HMGCLL1: variants seen among roughly 807,000 people sequenced by gnomAD.
HMGCLL1 encodes the protein 3-hydroxy-3-methylglutaryl-CoA lyase like 1.
A neutral mutation model predicts 39.1 loss-of-function variants in HMGCLL1; 36 were observed. The ratio of observed to expected loss-of-function variants is 0.92; its 90% CI spans 0.71 to 1.22. The LOEUF (loss-of-function observed/expected upper bound fraction) is 1.22. HMGCLL1 is among the 50% of genes most tolerant of loss of function. The pLI is 0.00. For missense variants in HMGCLL1, 451 were observed against 416.5 expected (o/e 1.08, Z -0.72); for synonymous variants, 149 against 144.0 (o/e 1.03, Z -0.25).
chr6:55,571,501 G>A (rs999435603), intron 1 of HMGCLL1, among the ~76,000 whole-genome samples: 3 of 152,074 alleles, frequency 2.0e-5, no homozygotes, highest in African/African-American at 7.2e-5. Context: ...CAGAAAGTAG[G>A]ATAAACATAG....
chr6:55,534,964 T>G (rs1026119581), intron 3 of HMGCLL1, among the ~76,000 whole-genome samples: 1 of 152,184 alleles, frequency 6.6e-6, no homozygotes, highest in Admixed American at 6.5e-5. Context: ...CAATGTGGAG[T>G]CTATGGTTCA....
At chr6:55,627,881 T>TTATA in the HMGCLL1 span, among the ~76,000 whole-genome samples, 8 of 43,480 alleles carry the variant, frequency 1.8e-4, no homozygotes, top group African/African-American at 6.9e-4. Context: ...ATAAACTCCC[T>TTATA]TATATATATA....
chr6:55,582,779 C>T (rs76450297), upstream of HMGCLL1, among the ~76,000 whole-genome samples: 14,498 of 151,976 alleles, frequency 0.095, 1,033 homozygotes, highest in East Asian at 0.3. Context: ...ATTAATATTT[C>T]TTGTATATAC....
chr6:55,448,803 G>A (rs1038582234), intron 7 of HMGCLL1, among the ~76,000 whole-genome samples: 2 of 152,104 alleles, frequency 1.3e-5, no homozygotes, highest in Non-Finnish European at 1.5e-5. Context: ...TAGGTCTGAG[G>A]TGGTACCTGG....
At chr6:55,576,041 G>A (rs1157578010) in intron 1 of HMGCLL1, among the ~76,000 whole-genome samples, 1 of 152,154 alleles carries the variant, frequency 6.6e-6, no homozygotes, top group Non-Finnish European at 1.5e-5. Flanking sequence ...TCTGATAAGT[G>A]TTGAGAATCC....
chr6:55,586,241 A>G, the HMGCLL1 span, among the ~76,000 whole-genome samples: 1 of 152,042 alleles, frequency 6.6e-6, no homozygotes, highest in South Asian at 2.1e-4. Flanking sequence ...TCGTTTAACT[A>G]TGATAATAAG....
the HMGCLL1 span, among the ~76,000 whole-genome samples, chr6:55,601,979 G>T: frequency 6.6e-6 from 1 of 151,912 alleles, no homozygotes; most frequent in Non-Finnish European, 1.5e-5. Flanking sequence ...CTCCTTATGG[G>T]CCTTTCCTTA....
At chr6:55,655,761 T>G in the HMGCLL1 span, among the ~76,000 whole-genome samples, 8 of 152,160 alleles carry the variant, frequency 5.3e-5, no homozygotes, top group Middle Eastern at 3.4e-3. Flanking sequence ...ACAGCTTATC[T>G]TTGCTAAATT....
chr6:55,586,935 G>A, the HMGCLL1 span, among the ~76,000 whole-genome samples: 4 of 152,004 alleles, frequency 2.6e-5, no homozygotes, highest in Non-Finnish European at 5.9e-5. Context: ...TGGGTCAAAC[G>A]GTATTTCTAG....
chr6:55,481,406 G>C (rs925306938), intron 7 of HMGCLL1, among the ~76,000 whole-genome samples: 2 of 151,916 alleles, frequency 1.3e-5, no homozygotes, highest in African/African-American at 4.8e-5. Flanking sequence ...AGTAGAACTG[G>C]AACGTTTGCA....
chr6:55,623,584 C>T, the HMGCLL1 span, among the ~76,000 whole-genome samples: 1 of 151,076 alleles, frequency 6.6e-6, no homozygotes, highest in Non-Finnish European at 1.5e-5. Flanking sequence ...CAATGGAGCA[C>T]CCAGATATAC....
At chr6:55,608,279 G>C in the HMGCLL1 span, among the ~76,000 whole-genome samples, 2 of 152,136 alleles carry the variant, frequency 1.3e-5, no homozygotes, top group African/African-American at 4.8e-5. Flanking sequence ...TACATATATC[G>C]TCTTTAAAGA....
At chr6:55,606,478 T>G in the HMGCLL1 span, among the ~76,000 whole-genome samples, 84 of 152,304 alleles carry the variant, frequency 5.5e-4, no homozygotes, top group Middle Eastern at 3.4e-3. Context: ...AGCCCAGTGT[T>G]CTGCCATTAG....
intron 1 of HMGCLL1, among the ~76,000 whole-genome samples, chr6:55,545,579 G>T (rs1403314136): frequency 6.6e-6 from 1 of 151,994 alleles, no homozygotes; most frequent in Non-Finnish European, 1.5e-5. Context: ...GGCTGGGGCT[G>T]ATATATGCCA....
At chr6:55,437,456 G>A (rs1368408575) in intron 8 of HMGCLL1, among the ~76,000 whole-genome samples, 1 of 151,930 alleles carries the variant, frequency 6.6e-6, no homozygotes, top group African/African-American at 2.4e-5. Flanking sequence ...AGGGAAAAGT[G>A]CCAAGAAGGG....
At chr6:55,438,614 G>A (rs1056509922) in intron 8 of HMGCLL1, among the ~76,000 whole-genome samples, 1 of 152,022 alleles carries the variant, frequency 6.6e-6, no homozygotes, top group Admixed American at 6.6e-5. Flanking sequence ...CCTGAGCAAG[G>A]AGTAGAAGTG....
intron 3 of HMGCLL1, among the ~76,000 whole-genome samples, chr6:55,519,306 T>C (rs1394445467): frequency 1.3e-5 from 2 of 148,622 alleles, no homozygotes; most frequent in Admixed American, 6.7e-5. Context: ...AGTTCTGTGG[T>C]AGAAAAAAAA....
chr6:55,539,998 G>GGAAGGAAGGA (rs1581919070), intron 3 of HMGCLL1, among the ~76,000 whole-genome samples: 2 of 6,546 alleles, frequency 3.1e-4, no homozygotes, highest in Non-Finnish European at 3.4e-4. Flanking sequence ...GGAAGGAAGG[G>GGAAGGAAGGA]AGGGAGGGAG....
the HMGCLL1 span, among the ~76,000 whole-genome samples, chr6:55,603,076 T>C: frequency 6.6e-6 from 1 of 152,058 alleles, no homozygotes; most frequent in Non-Finnish European, 1.5e-5. Flanking sequence ...AGTATAAAAA[T>C]GATATCACCT....
Sources: gnomAD v4.1 joint callset for allele counts (sites outside exome capture counted in the v4.1 genomes callset) on GRCh38, gnomAD v4.1.1 for gene constraint, MANE v1.5 for transcripts, NCBI Gene and HGNC (gene_info 2026-07-23, HGNC 2026-07-21) for gene names.